PCDH9: variants seen among roughly 807,000 people sequenced by gnomAD.
PCDH9 encodes the protein protocadherin 9.
PCDH9 carries 24 observed loss-of-function variants against 70.6 expected under a neutral mutation model. That is an observed-to-expected ratio of 0.34 (90% CI 0.25 to 0.48). PCDH9 has a LOEUF of 0.48. Among genes scored for constraint, PCDH9 ranks in the 20% least tolerant of loss-of-function variants. PCDH9 has a pLI of 0.99. For synonymous variants in PCDH9, 562 were observed against 558.5 expected (o/e 1.01, Z -0.09); for missense variants, 1,281 against 1,503.6 (o/e 0.85, Z 2.45).
At chr13:67,092,757 C>T (rs2086243523) in intron 2 of PCDH9, among the ~76,000 whole-genome samples, 1 of 152,124 alleles carries the variant, frequency 6.6e-6, no homozygotes, top group Non-Finnish European at 1.5e-5. Flanking sequence ...TCCTAGGAAC[C>T]AGAGATTTTA....
chr13:67,128,061 C>T (rs1312841805), intron 2 of PCDH9, among the ~76,000 whole-genome samples: 2 of 152,102 alleles, frequency 1.3e-5, no homozygotes, highest in East Asian at 3.9e-4. Context: ...TAATGTGATA[C>T]ATTAGTTAAA....
intron 3 of PCDH9, among the ~76,000 whole-genome samples, chr13:66,706,871 C>T (rs1229589863): frequency 6.6e-6 from 1 of 152,278 alleles, no homozygotes; most frequent in East Asian, 1.9e-4. Flanking sequence ...GGTTACTGGG[C>T]ATCTCACTCA....
At chr13:67,168,340 C>T (rs760255437) in intron 2 of PCDH9, among the ~76,000 whole-genome samples, 1 of 151,910 alleles carries the variant, frequency 6.6e-6, no homozygotes, top group East Asian at 1.9e-4. Flanking sequence ...ACGTTCATAA[C>T]CATGGGGAAA....
At chr13:66,547,665 T>C (rs1011233521) in intron 4 of PCDH9, among the ~76,000 whole-genome samples, 4 of 152,034 alleles carry the variant, frequency 2.6e-5, no homozygotes, top group Admixed American at 6.6e-5. Context: ...ATTGCCATGT[T>C]GATTGTCTTT....
intron 3 of PCDH9, among the ~76,000 whole-genome samples, chr13:66,868,050 T>C (rs2081607162): frequency 6.6e-6 from 1 of 152,034 alleles, no homozygotes; most frequent in Admixed American, 6.6e-5. Flanking sequence ...TTAAAATCTC[T>C]TTAAATAGGT....
intron 4 of PCDH9, among the ~76,000 whole-genome samples, chr13:66,453,365 C>A (rs1483055912): frequency 2.6e-5 from 4 of 152,150 alleles, no homozygotes; most frequent in African/African-American, 7.2e-5. Flanking sequence ...GTAAGCTGAC[C>A]TAGAGAGCTA....
At chr13:66,714,202 A>C (rs894465237) in intron 3 of PCDH9, among the ~76,000 whole-genome samples, 3 of 152,158 alleles carry the variant, frequency 2.0e-5, no homozygotes, top group Non-Finnish European at 4.4e-5. Context: ...GCAGTGGTTC[A>C]TGCCTGTAAT....
chr13:67,198,778 T>A (rs929578800), intron 2 of PCDH9, among the ~76,000 whole-genome samples: 4 of 151,916 alleles, frequency 2.6e-5, no homozygotes, highest in Non-Finnish European at 4.4e-5. Flanking sequence ...GAATAAATAG[T>A]TACTCTCATA....
chr13:66,311,447 G>A (rs1321948830), intron 4 of PCDH9, among the ~76,000 whole-genome samples: 2 of 151,378 alleles, frequency 1.3e-5, no homozygotes, highest in Non-Finnish European at 2.9e-5. Flanking sequence ...TGGATTGAAT[G>A]GAAAGCTAAA....
intron 2 of PCDH9, among the ~76,000 whole-genome samples, chr13:66,932,681 T>TATATATACACACAC (rs1313632174): frequency 3.1e-4 from 36 of 114,820 alleles, no homozygotes; most frequent in African/African-American, 1.1e-3. Flanking sequence ...TATATATATA[T>TATATATACACACAC]ACACACACAC....
intron 2 of PCDH9, among the ~76,000 whole-genome samples, chr13:67,136,586 T>C (rs967222909): frequency 1.3e-5 from 2 of 152,170 alleles, no homozygotes; most frequent in African/African-American, 4.8e-5. Flanking sequence ...TTGTACTCAC[T>C]GGAAATATAG....
At chr13:67,114,597 A>G (rs2138280756) in intron 2 of PCDH9, among the ~76,000 whole-genome samples, 1 of 152,262 alleles carries the variant, frequency 6.6e-6, no homozygotes, top group Admixed American at 6.5e-5. Context: ...TATATTGCAT[A>G]CTCTATAAGG....
intron 2 of PCDH9, among the ~76,000 whole-genome samples, chr13:67,121,910 A>T (rs1025498513): frequency 1.1e-4 from 17 of 152,164 alleles, no homozygotes; most frequent in African/African-American, 3.6e-4. Flanking sequence ...ATCCTTGATT[A>T]TGATGACTAC....
chr13:66,485,393 G>C (rs1487936894), intron 4 of PCDH9, among the ~76,000 whole-genome samples: 2 of 152,144 alleles, frequency 1.3e-5, no homozygotes, highest in Non-Finnish European at 2.9e-5. Flanking sequence ...CGGCCATTAA[G>C]TTAATAAAAT....
At chr13:67,028,377 A>T (rs998176243) in intron 2 of PCDH9, among the ~76,000 whole-genome samples, 2 of 126,750 alleles carry the variant, frequency 1.6e-5, no homozygotes, top group African/African-American at 6.0e-5. Flanking sequence ...ATGAGAACAC[A>T]TGGACACAGG....
At chr13:66,966,242 C>T (rs903617589) in intron 2 of PCDH9, among the ~76,000 whole-genome samples, 2 of 152,066 alleles carry the variant, frequency 1.3e-5, no homozygotes, top group African/African-American at 2.4e-5. Context: ...CAAATAGGGA[C>T]AATATTGACT....
chr13:66,943,655 T>A (rs553966187), intron 2 of PCDH9, among the ~76,000 whole-genome samples: 1 of 152,052 alleles, frequency 6.6e-6, no homozygotes, highest in Non-Finnish European at 1.5e-5. Flanking sequence ...TCCTGGAGAT[T>A]GATACAGATC....
At chr13:66,875,084 C>G (rs2081779034) in intron 3 of PCDH9, among the ~76,000 whole-genome samples, 1 of 152,070 alleles carries the variant, frequency 6.6e-6, no homozygotes, top group African/African-American at 2.4e-5. Context: ...CTTCAGGCCA[C>G]TAACTAACAT....
chr13:67,088,789 A>T (rs1389908023), intron 2 of PCDH9, among the ~76,000 whole-genome samples: 1 of 152,058 alleles, frequency 6.6e-6, no homozygotes, highest in African/African-American at 2.4e-5. Flanking sequence ...GTCTTAAAAT[A>T]CTACTGAGCA....
Sources: gnomAD v4.1 joint callset for allele counts (sites outside exome capture counted in the v4.1 genomes callset) on GRCh38, gnomAD v4.1.1 for gene constraint, MANE v1.5 for transcripts, NCBI Gene and HGNC (gene_info 2026-07-23, HGNC 2026-07-21) for gene names.